Variants in CPVL observed in about 807,000 individuals in gnomAD.
CPVL encodes carboxypeptidase vitellogenic like, also known as probable serine carboxypeptidase CPVL.
A neutral mutation model predicts 63.7 loss-of-function variants in CPVL; 51 were observed. The ratio of observed to expected loss-of-function variants is 0.80; its 90% CI spans 0.64 to 1.01. The LOEUF is 1.01. Ranked by LOEUF, CPVL falls within the 50% of genes least tolerant of loss-of-function variation. The pLI, the probability that CPVL is intolerant of heterozygous loss-of-function variation, is 0.00. For missense variants in CPVL, 530 were observed against 573.1 expected (o/e 0.92, Z 0.77); for synonymous variants, 195 against 206.0 (o/e 0.95, Z 0.46).
At chr7:29,062,554 GT>G (rs1222352912) in intron 11 of CPVL, among the ~76,000 whole-genome samples, 1 of 152,170 alleles carries the variant, frequency 6.6e-6, no homozygotes, top group African/African-American at 2.4e-5. Context: ...ATGGTTACGT[GT>G]CCAACACTGT....
intron 2 of CPVL, among the ~76,000 whole-genome samples, chr7:29,119,835 C>T (rs1789179503): frequency 2.0e-5 from 3 of 152,186 alleles, no homozygotes; most frequent in Admixed American, 1.3e-4. Flanking sequence ...CTGATATCTG[C>T]ATGAACTCTG....
At chr7:29,177,237 ATTTTGTTTTGTTTTG>A (rs10535682) in intron 5 of CPVL, among the ~76,000 whole-genome samples, 29 of 146,748 alleles carry the variant, frequency 2.0e-4, no homozygotes, top group African/African-American at 5.1e-4. Flanking sequence ...TTTTTGTTTT[ATTTTGTTTTGTTTTG>A]TTTTGTTTTG....
At chr7:29,016,776 C>T (rs1786456146) in intron 12 of CPVL, among the ~76,000 whole-genome samples, 1 of 152,182 alleles carries the variant, frequency 6.6e-6, no homozygotes, top group Non-Finnish European at 1.5e-5. Flanking sequence ...TGGGGACACA[C>T]AGTGAACACC....
At chr7:29,182,743 T>G (rs1341027653) in intron 4 of CPVL, among the ~76,000 whole-genome samples, 2 of 152,106 alleles carry the variant, frequency 1.3e-5, no homozygotes, top group Admixed American at 1.3e-4. Flanking sequence ...AGCATTAAGG[T>G]TCTTAAATAT....
At chr7:29,094,860 A>C (rs1168523550) in intron 5 of CPVL, among the ~76,000 whole-genome samples, 3 of 152,184 alleles carry the variant, frequency 2.0e-5, no homozygotes, top group Non-Finnish European at 4.4e-5. Context: ...GAAAAAAAAA[A>C]AATGAGGAAA....
chr7:29,068,347 C>G (rs2128570596), intron 9 of CPVL, among the ~76,000 whole-genome samples: 1 of 152,280 alleles, frequency 6.6e-6, no homozygotes, highest in South Asian at 2.1e-4. Context: ...CATGAAAGAA[C>G]TTATTCAAGT....
intron 11 of CPVL, among the ~76,000 whole-genome samples, chr7:29,051,287 A>G (rs1045369996): frequency 6.6e-6 from 1 of 152,256 alleles, no homozygotes; most frequent in African/African-American, 2.4e-5. Context: ...TGCACGGCAA[A>G]AGGAACAGTC....
intron 11 of CPVL, among the ~76,000 whole-genome samples, chr7:29,055,948 C>A (rs1790689645): frequency 6.6e-6 from 1 of 152,016 alleles, no homozygotes; most frequent in African/African-American, 2.4e-5. Context: ...TTGAATCTAC[C>A]CATTATCAAA....
chr7:29,079,319 T>C (rs317722), intron 7 of CPVL, among the ~76,000 whole-genome samples: 8,043 of 152,254 alleles, frequency 0.053, 229 homozygotes, highest in South Asian at 0.062. Context: ...ACAAGCATTT[T>C]GGTGAACAAG....
At chr7:29,137,578 C>T (rs946479806) in intron 1 of CPVL, among the ~76,000 whole-genome samples, 2 of 152,132 alleles carry the variant, frequency 1.3e-5, no homozygotes, top group Admixed American at 6.5e-5. Context: ...GCACAACTGC[C>T]GGCATTCACC....
At position 29,096,236 on chromosome 7, in the gene CPVL, C is replaced by T; in HGVS notation, c.289-19G>A. On this transcript the variant is annotated intron_variant, in intron 3 of 12. Coordinates refer to ENST00000265394, the MANE Select transcript of CPVL (RefSeq NM_031311.5). ...GCTGTATCTAGAGGAAACAGTAAAACCAGTGACCACACAGAACACTCACTT... is the reference window on the plus strand; with the variant it reads ...GCTGTATCTAGAGGAAACAGTAAAATCAGTGACCACACAGAACACTCACTT... 6.4e-7 allele frequency: 1 copy of T among 1,566,348 alleles called. No homozygotes were observed.
intron 12 of CPVL, among the ~76,000 whole-genome samples, chr7:29,008,160 AT>A (rs1258340176): frequency 1.5e-3 from 224 of 152,300 alleles, no homozygotes; most frequent in African/African-American, 5.2e-3. Context: ...TCCCATGTGA[AT>A]TTCTGGGTGC....
At chr7:29,000,106 A>G (rs1784469797) in intron 12 of CPVL, among the ~76,000 whole-genome samples, 1 of 152,188 alleles carries the variant, frequency 6.6e-6, no homozygotes, top group Non-Finnish European at 1.5e-5. Context: ...CAGATGTTCC[A>G]GGGGGTCACA....
Position 29,182,192 on chromosome 7 carries a change from T to C in CPVL, c.-133-780A>G, listed in dbSNP as rs561434053. ...ATGCAAATGAACTGAACTTCTATTA[T>C]AAGATGGTGACAGGATGCTCTACAG... On this transcript the variant is annotated intron_variant, in intron 4 of 16. Coordinates refer to the CPVL transcript ENST00000409850. Among the ~76,000 whole-genome samples, 13 of 152,320 alleles carry C rather than the reference T, an allele frequency of 8.5e-5. No homozygotes were observed. In the East Asian group the frequency reaches 1.7e-3, roughly 20 times the overall value.
intron 1 of CPVL, among the ~76,000 whole-genome samples, chr7:29,140,869 T>C (rs1270198371): frequency 6.6e-6 from 1 of 152,140 alleles, no homozygotes; most frequent in African/African-American, 2.4e-5. Flanking sequence ...AAAATAGAGC[T>C]TTTCTCCACT....
intron 5 of CPVL, among the ~76,000 whole-genome samples, chr7:29,172,849 A>G (rs886517531): frequency 1.3e-5 from 2 of 152,118 alleles, no homozygotes; most frequent in African/African-American, 4.8e-5. Context: ...CCACTTAAAA[A>G]TGCTGGATAA....
chr7:29,113,735 TTC>T, intron 2 of CPVL: 1 of 152,414 alleles, frequency 6.6e-6, no homozygotes, highest in Middle Eastern at 3.4e-3. Context: ...GCAGAGTTTG[TTC>T]CTTCCCCCAG....
chr7:29,034,443 C>A (rs1294328006), intron 11 of CPVL, among the ~76,000 whole-genome samples: 2 of 151,866 alleles, frequency 1.3e-5, no homozygotes, highest in African/African-American at 4.8e-5. Context: ...ATTTATTTTT[C>A]TTCAACTTTT....
intron 12 of CPVL, among the ~76,000 whole-genome samples, chr7:29,000,683 C>T (rs1583927090): frequency 6.6e-6 from 1 of 152,218 alleles, no homozygotes; most frequent in Non-Finnish European, 1.5e-5. Flanking sequence ...TCCTATCGGG[C>T]TTTAAAAGCA....
Sources: allele counts gnomAD v4.1 joint callset (sites outside exome capture counted in the v4.1 genomes callset), GRCh38; gene constraint gnomAD v4.1.1; transcripts MANE v1.5; gene names NCBI Gene and HGNC (gene_info 2026-07-23, HGNC 2026-07-21).